The following ATP8A2 variants were observed in gnomAD, a reference collection of about 807,000 sequenced individuals.
ATP8A2 encodes the protein phospholipid-transporting ATPase IB.
A neutral mutation model predicts 165.6 loss-of-function variants in ATP8A2; 100 were observed. The ratio of observed to expected loss-of-function variants is 0.60; its 90% CI spans 0.51 to 0.71. The LOEUF is 0.71. Ranked by LOEUF, ATP8A2 falls within the 30% of genes least tolerant of loss-of-function variation. ATP8A2 has a pLI of 0.00. For missense variants in ATP8A2, 1,227 were observed against 1,479.5 expected (o/e 0.83, Z 2.80); for synonymous variants, 543 against 548.8 (o/e 0.99, Z 0.15).
chr13:25,799,091 A>AT (rs761596520), intron 27 of ATP8A2, among the ~76,000 whole-genome samples: 3 of 145,120 alleles, frequency 2.1e-5, no homozygotes, highest in Non-Finnish European at 4.6e-5. Flanking sequence ...GAAAATAAAG[A>AT]TTAAAAAAAA....
chr13:25,784,578 G>A (rs1026655980), intron 27 of ATP8A2, among the ~76,000 whole-genome samples: 4 of 152,134 alleles, frequency 2.6e-5, no homozygotes, highest in African/African-American at 9.7e-5. Context: ...AGGCACACAC[G>A]TAAGAATCTT....
intron 24 of ATP8A2, among the ~76,000 whole-genome samples, chr13:25,620,962 T>C (rs2040952801): frequency 6.6e-6 from 1 of 152,150 alleles, no homozygotes; most frequent in Admixed American, 6.5e-5. Flanking sequence ...GTGATGCTTA[T>C]GATGGGAAGT....
chr13:25,477,878 A>G lies in ATP8A2; in HGVS notation c.221+8757A>G, dbSNP rs376491979. Among the ~76,000 whole-genome samples, 3 of 152,216 alleles carry G rather than the reference A, an allele frequency of 2.0e-5. No individual in the cohort carries two copies. In the East Asian group the frequency reaches 5.8e-4, roughly 29 times the overall value. ...CTTGAACCCGGGAGGTGGAGGTTGC[A>G]GTCAGCAGAGATCGCACCATTGCAC... On this transcript the variant is annotated intron_variant, in intron 2 of 36. Coordinates refer to ENST00000381655, the MANE Select transcript of ATP8A2 (RefSeq NM_016529.6).
At chr13:25,951,473 T>A (rs574069912) in intron 33 of ATP8A2, among the ~76,000 whole-genome samples, 74 of 152,324 alleles carry the variant, frequency 4.9e-4, no homozygotes, top group African/African-American at 1.7e-3. Flanking sequence ...GGGCAGGAAC[T>A]GCCTATTGAG....
intron 24 of ATP8A2, among the ~76,000 whole-genome samples, chr13:25,620,525 A>G (rs999966320): frequency 2.0e-5 from 3 of 152,206 alleles, no homozygotes; most frequent in African/African-American, 7.2e-5. Context: ...AAAGTATAAA[A>G]AGCAAAGAAA....
intron 24 of ATP8A2, among the ~76,000 whole-genome samples, chr13:25,665,906 AT>A (rs1198040064): frequency 1.3e-5 from 2 of 149,006 alleles, no homozygotes; most frequent in Admixed American, 1.3e-4. Context: ...TGTTCATAAT[AT>A]ATTTTATAAA....
At chr13:25,716,304 G>C (rs909837268) in intron 25 of ATP8A2, among the ~76,000 whole-genome samples, 3 of 152,068 alleles carry the variant, frequency 2.0e-5, no homozygotes, top group African/African-American at 7.2e-5. Context: ...GGTATTGTTT[G>C]TAGCACAGAA....
At chr13:25,867,072 A>G (rs1952526984) in intron 33 of ATP8A2, among the ~76,000 whole-genome samples, 2 of 151,718 alleles carry the variant, frequency 1.3e-5, no homozygotes, top group South Asian at 4.2e-4. Flanking sequence ...ACTTCAAAGC[A>G]TACAATCTGC....
chr13:25,639,198 CA>C (rs1246110154), intron 24 of ATP8A2, among the ~76,000 whole-genome samples: 1 of 152,152 alleles, frequency 6.6e-6, no homozygotes, highest in African/African-American at 2.4e-5. Flanking sequence ...CATCAACTGG[CA>C]AGCAAAATAA....
intron 27 of ATP8A2, among the ~76,000 whole-genome samples, chr13:25,783,060 A>ATTT (rs3981883): frequency 1 from 151,625 of 152,286 alleles, 75,486 homozygotes; most frequent in East Asian, 1. Flanking sequence ...AATATGTACT[A>ATTT]TTTATTCTTG....
chr13:25,556,443 C>A (rs1052987057), intron 13 of ATP8A2, among the ~76,000 whole-genome samples: 1 of 152,104 alleles, frequency 6.6e-6, no homozygotes, highest in Non-Finnish European at 1.5e-5. Context: ...GTCTTTTGCT[C>A]ATTTTTTTAA....
intron 2 of ATP8A2, among the ~76,000 whole-genome samples, chr13:25,501,251 C>A (rs1179789844): frequency 6.6e-6 from 1 of 152,182 alleles, no homozygotes; most frequent in Non-Finnish European, 1.5e-5. Context: ...GCTGGCACAC[C>A]ACCCAGGGCC....
intron 24 of ATP8A2, among the ~76,000 whole-genome samples, chr13:25,682,125 T>A (rs9319234): frequency 6.6e-6 from 1 of 152,006 alleles, no homozygotes; most frequent in East Asian, 1.9e-4. Context: ...AAAAACCCCG[T>A]GATCACCATT....
At chr13:26,004,279 A>G (rs1249831192) in intron 35 of ATP8A2, among the ~76,000 whole-genome samples, 1 of 152,004 alleles carries the variant, frequency 6.6e-6, no homozygotes, top group Non-Finnish European at 1.5e-5. Context: ...TGTGCTTGTA[A>G]ATGGAATTGC....
intron 24 of ATP8A2, among the ~76,000 whole-genome samples, chr13:25,674,831 A>G (rs2042340317): frequency 6.6e-6 from 1 of 152,210 alleles, no homozygotes; most frequent in Admixed American, 6.5e-5. Flanking sequence ...TTGAAGTAAG[A>G]ATTTGCTTAT....
At chr13:25,860,623 A>AT (rs1430565287) in intron 31 of ATP8A2, among the ~76,000 whole-genome samples, 181 bp from the exon 32 acceptor site, 6 of 152,200 alleles carry the variant, frequency 3.9e-5, no homozygotes, top group Non-Finnish European at 8.8e-5. Context: ...CTGGAAGTGA[A>AT]TCTGCCTGTA....
intron 18 of ATP8A2, among the ~76,000 whole-genome samples, chr13:25,573,116 C>CT (rs767313982): frequency 1.3e-5 from 2 of 152,086 alleles, no homozygotes; most frequent in African/African-American, 2.4e-5. Context: ...CGTACAGAAG[C>CT]TTTTTTAAAA....
chr13:25,559,805 A>C, intron 15 of ATP8A2, 40 bp downstream of exon 15: 1 of 1,416,844 alleles, frequency 7.1e-7, no homozygotes, highest in South Asian at 1.2e-5. Flanking sequence ...TTAGTGGAAA[A>C]GCTTTTGGAA....
At chr13:25,632,272 A>T (rs2137519879) in intron 24 of ATP8A2, among the ~76,000 whole-genome samples, 1 of 152,130 alleles carries the variant, frequency 6.6e-6, no homozygotes, top group African/African-American at 2.4e-5. Flanking sequence ...CCACGTAGGC[A>T]TGACTGATTA....
Sources: gnomAD v4.1 joint callset for allele counts (sites outside exome capture counted in the v4.1 genomes callset) on GRCh38, gnomAD v4.1.1 for gene constraint, MANE v1.5 for transcripts, NCBI Gene and HGNC (gene_info 2026-07-23, HGNC 2026-07-21) for gene names.